The following SDK1 variants were observed in gnomAD, a reference collection of about 807,000 sequenced individuals.
SDK1 encodes sidekick cell adhesion molecule 1, also known as protein sidekick-1.
In SDK1, 157 loss-of-function variants were observed where a neutral mutation model predicts 245.5. The observed-to-expected ratio is 0.64, with a 90% CI of 0.56 to 0.73. The LOEUF (loss-of-function observed/expected upper bound fraction) is 0.73. Ranked by LOEUF, SDK1 falls within the 30% of genes least tolerant of loss-of-function variation. SDK1 has a pLI of 0.00. For synonymous variants in SDK1, 1,647 were observed against 1,278.5 expected (o/e 1.29, Z -6.15); for missense variants, 3,583 against 3,002.3 (o/e 1.19, Z -4.52).
intron 5 of SDK1, among the ~76,000 whole-genome samples, chr7:3,826,380 C>G (rs1199743862): frequency 1.3e-5 from 2 of 152,130 alleles, no homozygotes; most frequent in Non-Finnish European, 2.9e-5. Context: ...ACTTGATTTT[C>G]TTGATACAAT....
chr7:3,962,759 A>C lies in SDK1; in HGVS notation c.1337A>C (p.Gln446Pro), dbSNP rs555285055. The change falls in exon 9 of 45, where the codon CAG (glutamine) becomes CCG (proline). Residue 446 changes from glutamine (Q) to proline (P), a missense_variant. Transcript: ENST00000404826. ...CTCGCCAGCGGAGGCCTGCGCATCC[A>C]GAAGCTGCGTCCAGAGGACTCCGGA... is the stretch of plus-strand genomic sequence containing the variant. ...KVLASGGLRI[Q>P]KLRPEDSGIF... 8.3e-5 allele frequency: 134 copies of C among 1,613,752 alleles called. No homozygotes were observed. The South Asian group carries it at 1.4e-3, about 17-fold the overall frequency.
chr7:3,421,320 C>A (rs1779528840), intron 1 of SDK1, among the ~76,000 whole-genome samples: 1 of 152,072 alleles, frequency 6.6e-6, no homozygotes. Flanking sequence ...GACCCGCCTG[C>A]CCTCCTCGGC....
At chr7:3,566,221 CTTCT>C (rs1194338050) in intron 1 of SDK1, among the ~76,000 whole-genome samples, 3 of 131,128 alleles carry the variant, frequency 2.3e-5, no homozygotes, top group African/African-American at 8.6e-5. Context: ...TGATAAACTT[CTTCT>C]TTTTTTTTTT....
intron 1 of SDK1, among the ~76,000 whole-genome samples, chr7:3,348,844 T>G (rs1400166957): frequency 6.6e-6 from 1 of 152,204 alleles, no homozygotes; most frequent in Non-Finnish European, 1.5e-5. Context: ...AGAGGATGAC[T>G]TTTGCTTTTA....
At chr7:3,705,692 A>C (rs998387051) in intron 4 of SDK1, among the ~76,000 whole-genome samples, 1 of 151,980 alleles carries the variant, frequency 6.6e-6, no homozygotes, top group Admixed American at 6.6e-5. Context: ...TGACCATGGC[A>C]TTGGCAGACA....
chr7:3,677,344 C>G (rs1175648463), intron 4 of SDK1, among the ~76,000 whole-genome samples: 4 of 152,114 alleles, frequency 2.6e-5, no homozygotes, highest in African/African-American at 7.2e-5. Flanking sequence ...AAGACATACC[C>G]AAGACTGGGT....
chr7:3,488,565 A>C (rs1377006819), intron 1 of SDK1, among the ~76,000 whole-genome samples: 1 of 152,194 alleles, frequency 6.6e-6, no homozygotes, highest in African/African-American at 2.4e-5. Context: ...AAGTTTTCTA[A>C]GTCTTCCATG....
chr7:4,208,412 T>G lies in SDK1; in HGVS notation c.5401+127T>G, dbSNP rs1471619199. 3 of 788,226 alleles carry G rather than the reference T, an allele frequency of 3.8e-6. No individual in the cohort carries two copies. The African/African-American group carries it at 5.3e-5, about 14-fold the overall frequency. The allele number at this position is 788,226 out of a possible 1,614,324, so 48.8% of individuals were successfully genotyped here. On this transcript the variant is annotated intron_variant, in intron 37 of 44. Transcript: ENST00000404826. ...CGGAAGGCAACACCTTTTGAGTAGC[T>G]GGGAGTTTCTGGATGGGCAGGACTG...
chr7:3,621,980 TA>T (rs1005213784), intron 2 of SDK1, among the ~76,000 whole-genome samples: 15 of 152,326 alleles, frequency 9.8e-5, no homozygotes, highest in African/African-American at 3.4e-4. Context: ...AACAGTTTAT[TA>T]TAAAGCAGGC....
intron 1 of SDK1, among the ~76,000 whole-genome samples, chr7:3,583,748 C>A (rs1193302195): frequency 2.0e-5 from 3 of 152,132 alleles, no homozygotes; most frequent in East Asian, 1.9e-4. Flanking sequence ...GGCAGGAAGA[C>A]TGCGTCCACC....
rs1780436374 is a variant in SDK1, at chr7:3,580,218, C to G, written c.299-38862C>G. ...GTATCATTAAAATGGCCATAATACCCAAAGCAGTATACAGATTCAATGCTA... is the reference window on the plus strand; with the variant it reads ...GTATCATTAAAATGGCCATAATACCGAAAGCAGTATACAGATTCAATGCTA... On this transcript the variant is annotated intron_variant, in intron 1 of 44. Transcript: ENST00000404826. Among the ~76,000 whole-genome samples, 3 of 152,114 alleles carry G rather than the reference C, an allele frequency of 2.0e-5. No individual in the cohort carries two copies. In the South Asian group the frequency reaches 6.2e-4, roughly 32 times the overall value.
rs1046725811 is a variant in SDK1 at position 3,399,451 on chromosome 7, C to T, written c.298+97567C>T. Among the ~76,000 whole-genome samples, 14 of 152,170 alleles carry T rather than the reference C, an allele frequency of 9.2e-5. No individual in the cohort carries two copies. In the Middle Eastern group the frequency reaches 0.01, roughly 111 times the overall value. Reference sequence around the variant, plus strand: ...CATCAGGGACAGCTTCTATTGACTCCTTTTCCTGTGTATGGTCTGTACATT... The same window carrying T: ...CATCAGGGACAGCTTCTATTGACTCTTTTTCCTGTGTATGGTCTGTACATT... On this transcript the variant is annotated intron_variant, in intron 1 of 44. Transcript: ENST00000404826.
At chr7:3,353,635 A>G (rs28633216) in intron 1 of SDK1, among the ~76,000 whole-genome samples, 30,532 of 152,104 alleles carry the variant, frequency 0.2, 3,345 homozygotes, top group African/African-American at 0.3. Context: ...TGGTTAGTGG[A>G]GCTGCCCGTC....
intron 13 of SDK1, among the ~76,000 whole-genome samples, chr7:3,983,495 T>TTTAAA (rs71552323): frequency 0.47 from 71,556 of 151,806 alleles, 18,054 homozygotes; most frequent in South Asian, 0.69. Context: ...ATGAAGTATC[T>TTTAAA]TTAAGGTGTG....
intron 32 of SDK1, among the ~76,000 whole-genome samples, chr7:4,163,191 G>T (rs761942725): frequency 2.4e-4 from 37 of 152,346 alleles, no homozygotes; most frequent in South Asian, 1.5e-3. Flanking sequence ...GGCCAGCATG[G>T]GGTGGGTACG....
intron 1 of SDK1, among the ~76,000 whole-genome samples, chr7:3,480,881 G>A (rs1781501212): frequency 1.3e-5 from 2 of 152,326 alleles, no homozygotes; most frequent in Admixed American, 1.3e-4. Flanking sequence ...GCTGGCATCG[G>A]ACTTCCAGTT....
At chr7:3,590,300 CTTTTT>C (rs200303832) in intron 1 of SDK1, among the ~76,000 whole-genome samples, 75 of 96,132 alleles carry the variant, frequency 7.8e-4, no homozygotes, top group South Asian at 1.7e-3. Context: ...TTTCCTGTTC[CTTTTT>C]TTTTTTTTTT....
At chr7:3,526,547 G>C (rs1225162289) in intron 1 of SDK1, among the ~76,000 whole-genome samples, 1 of 152,106 alleles carries the variant, frequency 6.6e-6, no homozygotes, top group Non-Finnish European at 1.5e-5. Context: ...TTTCATTGCA[G>C]ATAGTTTGGT....
chr7:3,852,379 C>G (rs1301632834), intron 5 of SDK1, among the ~76,000 whole-genome samples: 1 of 151,930 alleles, frequency 6.6e-6, no homozygotes, highest in African/African-American at 2.4e-5. Flanking sequence ...TAGCCATCAC[C>G]ACTGCCAACA....
Sources: gnomAD v4.1 joint callset for allele counts (sites outside exome capture counted in the v4.1 genomes callset) on GRCh38, gnomAD v4.1.1 for gene constraint, MANE v1.5 for transcripts, NCBI Gene and HGNC (gene_info 2026-07-23, HGNC 2026-07-21) for gene names.